Variants in PLCL1 observed in about 807,000 individuals in gnomAD.
PLCL1 encodes phospholipase C like 1 (inactive).
In PLCL1, 41 loss-of-function variants were observed where a neutral mutation model predicts 84.4. That is an observed-to-expected ratio of 0.49 (90% confidence interval 0.38 to 0.63). The LOEUF is 0.63. Among genes scored for constraint, PLCL1 ranks in the 30% least tolerant of loss-of-function variants. The probability of loss-of-function intolerance (pLI) is 0.00; values close to 1 mark genes in which losing one functional copy is unlikely to be tolerated. For synonymous variants in PLCL1, 490 were observed against 488.3 expected, an observed-to-expected ratio of 1.00 and a Z score of -0.05; for missense variants, 1,206 against 1,367.8, an observed-to-expected ratio of 0.88 and a Z score of 1.87.
chr2:198,034,343 A>C (rs1284261239), intron 1 of PLCL1, among the ~76,000 whole-genome samples: 1 of 152,224 alleles, frequency 6.6e-6, no homozygotes, highest in East Asian at 1.9e-4. Context: ...TAGAACTAGA[A>C]ATACCATTTG....
intron 1 of PLCL1, among the ~76,000 whole-genome samples, chr2:197,918,739 T>G (rs115925503): frequency 0.012 from 1,848 of 152,106 alleles, 48 homozygotes; most frequent in African/African-American, 0.042. Flanking sequence ...CTGAGCAACA[T>G]GGCGAAACTC....
Position 198,147,038 on chromosome 2 carries a change from G to T in PLCL1, c.*76G>T, listed in dbSNP as rs1270491886. On this transcript the variant is annotated 3_prime_UTR_variant, in exon 6 of 6. Coordinates refer to ENST00000428675, the MANE Select transcript of PLCL1 (RefSeq NM_006226.4). The stretch of plus-strand genomic sequence containing the variant: ...TCATTCTTGTTTTCTTTCTTTAAAT[G>T]TTTTATAAGTTCACAAAATGGTGCC... 1 of 1,266,330 alleles carries T rather than the reference G, an allele frequency of 7.9e-7. No individual in the cohort carries two copies. Among genetic ancestry groups the T allele is most frequent in the Non-Finnish European group, 1.1e-6 (1 of 932,430 alleles). 78.4% of individuals were successfully genotyped at this position (1,266,330 alleles called of 1,614,324 possible). A position where few individuals can be genotyped will look rare whatever the true frequency, so the allele number is the denominator to read the frequency against.
At chr2:198,088,220 G>T (rs573280729) in intron 2 of PLCL1, among the ~76,000 whole-genome samples, 1 of 152,064 alleles carries the variant, frequency 6.6e-6, no homozygotes, top group Non-Finnish European at 1.5e-5. Flanking sequence ...AGTCTTTGGG[G>T]TTAAGGATTA....
chr2:198,131,366 TA>T (rs1694114565), intron 5 of PLCL1, among the ~76,000 whole-genome samples: 1 of 152,198 alleles, frequency 6.6e-6, no homozygotes, highest in Non-Finnish European at 1.5e-5. Context: ...AGAACTCTGC[TA>T]TTCCACTATC....
chr2:197,893,477 G>T (rs1037609162), intron 1 of PLCL1, among the ~76,000 whole-genome samples: 8 of 152,164 alleles, frequency 5.3e-5, no homozygotes, highest in African/African-American at 1.7e-4. Flanking sequence ...CCTATAGCAC[G>T]TTAGGGTTTA....
At chr2:198,112,791 C>T (rs1202597431) in intron 5 of PLCL1, among the ~76,000 whole-genome samples, 3 of 151,804 alleles carry the variant, frequency 2.0e-5, no homozygotes, top group Non-Finnish European at 4.4e-5. Flanking sequence ...GGGATGAAGC[C>T]AAAATTGAGG....
At chr2:197,837,856 T>G (rs1297344933) in intron 1 of PLCL1, among the ~76,000 whole-genome samples, 7 of 152,228 alleles carry the variant, frequency 4.6e-5, no homozygotes, top group African/African-American at 1.7e-4. Flanking sequence ...TATTATGCAA[T>G]TTAGCATCAC....
chr2:197,992,137 A>G (rs1329929320), intron 1 of PLCL1, among the ~76,000 whole-genome samples: 1 of 152,080 alleles, frequency 6.6e-6, no homozygotes, highest in Admixed American at 6.5e-5. Flanking sequence ...ATATGTATAC[A>G]TGTGCCATGT....
At chr2:197,825,080 A>G (rs1690902502) in intron 1 of PLCL1, among the ~76,000 whole-genome samples, 1 of 152,128 alleles carries the variant, frequency 6.6e-6, no homozygotes, top group Admixed American at 6.5e-5. Context: ...GGTGTTTGTC[A>G]CCTGCCAGGT....
rs1690459981 is a variant in PLCL1 at position 197,805,713 on chromosome 2, T to C, written c.240+374T>C. Among the ~76,000 whole-genome samples the C allele has an allele frequency of 6.6e-6, 1 of 152,192 alleles. No individual in the cohort carries two copies. The highest frequency in any genetic ancestry group is 6.5e-5 in the Admixed American group (1 of 15,286). ...TTGCTTTCCAATGAAGGGTTAGCTT[T>C]TCCCATACAATGAAGAAAATGCACA... On this transcript the variant is annotated intron_variant, in intron 1 of 5. Transcript: ENST00000428675. This position sits in a 1 kb window ranked among gnomAD's most constrained non-coding sequence, Gnocchi z 4.0.
At chr2:197,985,272 C>A (rs1690198559) in intron 1 of PLCL1, among the ~76,000 whole-genome samples, 1 of 152,156 alleles carries the variant, frequency 6.6e-6, no homozygotes, top group African/African-American at 2.4e-5. Context: ...ACAAAACAAC[C>A]ACCTCACAGG....
intron 1 of PLCL1, among the ~76,000 whole-genome samples, chr2:198,058,083 C>T (rs149568151): frequency 1.9e-3 from 285 of 152,108 alleles, no homozygotes; most frequent in African/African-American, 6.5e-3. Context: ...AACTGGTTTT[C>T]GAACTGCAGA....
At chr2:197,825,913 G>T (rs1039310258) in intron 1 of PLCL1, among the ~76,000 whole-genome samples, 1 of 152,184 alleles carries the variant, frequency 6.6e-6, no homozygotes, top group Non-Finnish European at 1.5e-5. Flanking sequence ...AATATTTTAG[G>T]CTGTGCCTAA....
intron 1 of PLCL1, among the ~76,000 whole-genome samples, chr2:197,927,833 C>T (rs1187113993): frequency 6.6e-6 from 1 of 152,124 alleles, no homozygotes; most frequent in African/African-American, 2.4e-5. Context: ...TATATTGTTT[C>T]TCAGGAATAA....
intron 1 of PLCL1, among the ~76,000 whole-genome samples, chr2:198,058,643 A>G (rs1692120243): frequency 6.6e-6 from 1 of 151,816 alleles, no homozygotes; most frequent in Non-Finnish European, 1.5e-5. Flanking sequence ...TATATTCTAT[A>G]TAAGCAAGTT....
chr2:198,063,149 TAATAC>T (rs1361852427), intron 1 of PLCL1, among the ~76,000 whole-genome samples: 1 of 149,454 alleles, frequency 6.7e-6, no homozygotes, highest in Non-Finnish European at 1.5e-5. Context: ...ACTAAGTACT[TAATAC>T]TATACTTTAC....
At chr2:197,923,281 C>T (rs1252224210) in intron 1 of PLCL1, among the ~76,000 whole-genome samples, 1,590 of 144,808 alleles carry the variant, frequency 0.011, 15 homozygotes, top group African/African-American at 0.038. Flanking sequence ...CCCTCCCGGA[C>T]GGGGTGGCTG....
chr2:197,836,013 G>T (rs139944480), intron 1 of PLCL1, among the ~76,000 whole-genome samples: 4 of 152,002 alleles, frequency 2.6e-5, no homozygotes, highest in Non-Finnish European at 5.9e-5. Flanking sequence ...ATCACAAGTC[G>T]TTGCATTTTA....
chr2:198,097,830 C>T (rs761432669), intron 3 of PLCL1, among the ~76,000 whole-genome samples: 5 of 152,168 alleles, frequency 3.3e-5, no homozygotes, highest in Non-Finnish European at 7.3e-5. Flanking sequence ...AGTGGACTTC[C>T]AGTGAACTTG....
Sources: allele counts gnomAD v4.1 joint callset (sites outside exome capture counted in the v4.1 genomes callset), GRCh38; gene constraint gnomAD v4.1.1; non-coding constraint Gnocchi (gnomAD v3.1); transcripts MANE v1.5; gene names NCBI Gene and HGNC (gene_info 2026-07-23, HGNC 2026-07-21).